PGS1: variants seen among roughly 807,000 people sequenced by gnomAD.
PGS1 encodes the protein CDP-diacylglycerol--glycerol-3-phosphate 3-phosphatidyltransferase, mitochondrial.
Under a neutral mutation model 58.3 loss-of-function variants are expected in PGS1, and 44 were observed. The ratio of observed to expected loss-of-function variants is 0.75; its 90% CI spans 0.59 to 0.97. The LOEUF (loss-of-function observed/expected upper bound fraction) is 0.97, where lower values mean the gene tolerates loss of function less well. Among genes scored for constraint, PGS1 ranks in the 50% least tolerant of loss-of-function variants. The pLI, the probability that PGS1 is intolerant of heterozygous loss-of-function variation, is 0.00. For missense variants in PGS1, 684 were observed against 731.1 expected (o/e 0.94, Z 0.74); for synonymous variants, 330 against 311.0 (o/e 1.06, Z -0.64).
At chr17:78,387,664 A>G (rs1055231185) in intron 1 of PGS1, among the ~76,000 whole-genome samples, 12 of 148,852 alleles carry the variant, frequency 8.1e-5, no homozygotes, top group Admixed American at 5.4e-4. Context: ...CAGTGGCACA[A>G]TCTTGGCTCA....
intron 7 of PGS1, among the ~76,000 whole-genome samples, chr17:78,406,008 G>A (rs938328498): frequency 6.6e-6 from 1 of 152,096 alleles, no homozygotes; most frequent in Non-Finnish European, 1.5e-5. Flanking sequence ...TTCAATTGGG[G>A]GATGCGTTGT....
At chr17:78,418,438 G>T (rs938368439) in intron 8 of PGS1, among the ~76,000 whole-genome samples, 3 of 152,116 alleles carry the variant, frequency 2.0e-5, no homozygotes, top group African/African-American at 7.2e-5. Flanking sequence ...TGTGTATTTC[G>T]TGTCCAGCTT....
intron 4 of PGS1, 74 bp from the exon 5 acceptor site, chr17:78,399,273 TG>T: frequency 8.5e-7 from 1 of 1,175,326 alleles, no homozygotes. Context: ...CGAGGCCACG[TG>T]GAGGTGGCTC....
intron 8 of PGS1, among the ~76,000 whole-genome samples, chr17:78,415,360 G>A (rs1028086742): frequency 2.6e-5 from 4 of 152,336 alleles, no homozygotes; most frequent in African/African-American, 9.6e-5. Flanking sequence ...GCTGGGTGTG[G>A]TGGCTCATGC....
intron 7 of PGS1, among the ~76,000 whole-genome samples, chr17:78,406,764 C>T (rs2084183989): frequency 6.6e-6 from 1 of 151,870 alleles, no homozygotes; most frequent in Non-Finnish European, 1.5e-5. Flanking sequence ...TTTGGGGAGG[C>T]CTCAGACCCA....
intron 7 of PGS1, among the ~76,000 whole-genome samples, chr17:78,410,661 A>T (rs1439891049): frequency 6.6e-6 from 1 of 151,658 alleles, no homozygotes; most frequent in African/African-American, 2.4e-5. Context: ...TTTAGTAGAG[A>T]TGGGGTTTCA....
chr17:78,408,951 C>T (rs1444374622), intron 7 of PGS1, among the ~76,000 whole-genome samples: 1 of 152,088 alleles, frequency 6.6e-6, no homozygotes, highest in Non-Finnish European at 1.5e-5. Context: ...TGGTCCTGAT[C>T]GGGGGTGGGG....
rs909725312 is a variant in PGS1 at position 78,378,752 on chromosome 17, G to C, written c.87G>C (p.Ala29=). The C allele has an allele frequency of 6.7e-7, 1 of 1,502,180 alleles. No homozygotes were observed. Among genetic ancestry groups the C allele is most frequent in the African/African-American group, 1.5e-5 (1 of 68,920 alleles). The allele number at this position is 1,502,180 out of a possible 1,614,324, so 93.1% of individuals were successfully genotyped here. ...GLLPGRPGLA[A]LLGRLSDRLG... ...TGCCTGGCCGCCCAGGGCTGGCCGC[G>C]CTCCTGGGACGCCTGTCCGACCGCC... Residue 29 remains alanine, a synonymous_variant, in exon 1 of 10, where the codon GCG becomes GCC. Transcript: ENST00000262764.
At position 78,394,987 on chromosome 17, in the gene PGS1, C is replaced by T. The variant is rs898398019; in HGVS notation, c.334-1321C>T. Among the ~76,000 whole-genome samples the T allele has an allele frequency of 3.3e-5, 5 of 152,214 alleles. No individual in the cohort carries two copies. In the South Asian group the frequency reaches 1.0e-3, roughly 31 times the overall value. The stretch of plus-strand genomic sequence containing the variant: ...CTGAGGAGGGTGGGCTTGCAGAGAG[C>T]AGGAAGGGGCAGAGAGGCTTGCCTC... On this transcript the variant is annotated intron_variant, in intron 2 of 9. Transcript: ENST00000262764.
intron 1 of PGS1, among the ~76,000 whole-genome samples, chr17:78,385,885 C>T (rs1035546442): frequency 1.3e-5 from 2 of 152,218 alleles, no homozygotes; most frequent in Non-Finnish European, 2.9e-5. Context: ...GCCTGGGTGG[C>T]TAAGCAGGCT....
chr17:78,415,647 T>C (rs1360075895), intron 8 of PGS1, among the ~76,000 whole-genome samples: 1 of 152,098 alleles, frequency 6.6e-6, no homozygotes, highest in Non-Finnish European at 1.5e-5. Flanking sequence ...AATAAAAGGG[T>C]TCAACAGTGG....
At chr17:78,395,190 C>G (rs578205293) in intron 2 of PGS1, among the ~76,000 whole-genome samples, 5 of 152,216 alleles carry the variant, frequency 3.3e-5, no homozygotes, top group Admixed American at 3.3e-4. Context: ...GCTGTGGGGC[C>G]TGGTGTCCTG....
chr17:78,419,417 C>A, intron 8 of PGS1, 129 bp from the exon 9 acceptor site: 1 of 787,118 alleles, frequency 1.3e-6, no homozygotes, highest in Non-Finnish European at 2.2e-6. Flanking sequence ...CTGGGAATCT[C>A]TGGGCCAGGT....
chr17:78,386,755 G>A (rs148437889), intron 1 of PGS1, among the ~76,000 whole-genome samples: 1 of 152,304 alleles, frequency 6.6e-6, no homozygotes, highest in South Asian at 2.1e-4. Flanking sequence ...TGCAGTGGGG[G>A]CTGCTTTAGC....
chr17:78,417,046 C>T (rs1280324238), intron 8 of PGS1, among the ~76,000 whole-genome samples: 4 of 152,100 alleles, frequency 2.6e-5, no homozygotes, highest in Non-Finnish European at 4.4e-5. Context: ...AATCTGAAGC[C>T]CCTCCCTCCA....
chr17:78,417,695 G>A (rs964292226), intron 8 of PGS1, among the ~76,000 whole-genome samples: 11 of 151,990 alleles, frequency 7.2e-5, no homozygotes, highest in Admixed American at 1.3e-4. Flanking sequence ...CTGTGCTTCT[G>A]TGGTCATCAC....
intron 3 of PGS1, among the ~76,000 whole-genome samples, chr17:78,397,586 G>GCCTC (rs758217623): frequency 1.1e-5 from 1 of 92,470 alleles, no homozygotes; most frequent in African/African-American, 3.9e-5. Flanking sequence ...ACAGGCATGC[G>GCCTC]CCACCCCCCC....
intron 6 of PGS1, among the ~76,000 whole-genome samples, chr17:78,402,118 C>G (rs2146219582): frequency 6.6e-6 from 1 of 152,280 alleles, no homozygotes; most frequent in African/African-American, 2.4e-5. Flanking sequence ...CCTTTCTCCC[C>G]TGGAGGGTGT....
At chr17:78,401,599 G>A (rs1213017102) in intron 6 of PGS1, among the ~76,000 whole-genome samples, 1 of 152,172 alleles carries the variant, frequency 6.6e-6, no homozygotes, top group Non-Finnish European at 1.5e-5. Context: ...CTTGTTGGGA[G>A]AAGAGCTCTC....
Sources: allele counts gnomAD v4.1 joint callset (sites outside exome capture counted in the v4.1 genomes callset), GRCh38; gene constraint gnomAD v4.1.1; transcripts MANE v1.5; gene names NCBI Gene and HGNC (gene_info 2026-07-23, HGNC 2026-07-21).